FOLR1: variants seen among roughly 807,000 people sequenced by gnomAD.
The protein encoded by FOLR1 is KB cells FBP.
A neutral mutation model predicts 22.8 loss-of-function variants in FOLR1; 11 were observed. The observed-to-expected ratio is 0.48, with a 90% CI of 0.30 to 0.80. The LOEUF (loss-of-function observed/expected upper bound fraction) is 0.80. FOLR1 is among the 30% of genes least tolerant of loss of function. FOLR1 has a pLI of 0.06. For synonymous variants in FOLR1, 108 were observed against 116.5 expected (o/e 0.93, Z 0.47); for missense variants, 273 against 320.3 (o/e 0.85, Z 1.13).
At chr11:72,192,410 C>A in intron 1 of FOLR1, 69 bp downstream of exon 1, 1 of 1,556,414 alleles carries the variant, frequency 6.4e-7, no homozygotes, top group South Asian at 1.1e-5. Context: ...CATGGAAATG[C>A]CAAACCCCAT....
chr11:72,192,436 A>G (rs954249253), intron 1 of FOLR1, 95 bp downstream of exon 1: 4 of 1,361,820 alleles, frequency 2.9e-6, no homozygotes, highest in Non-Finnish European at 4.2e-6. Context: ...GGTGAACTGA[A>G]GTGGAGGAGC....
At chr11:72,195,787 T>G in intron 3 of FOLR1, 40 bp downstream of exon 3, 2 of 1,613,948 alleles carry the variant, frequency 1.2e-6, no homozygotes, top group South Asian at 2.2e-5. Context: ...GATTTGGAAG[T>G]GGAGGTGTGT....
In FOLR1 at chr11:72,192,165, G is replaced by A; in HGVS notation, c.-9G>A. The stretch of plus-strand genomic sequence containing the variant: ...GCCACTGACCACAGCTCTTTCTTCA[G>A]GGACAGACATGGCTCAGCGGATGAC... On this transcript the variant is annotated 5_prime_UTR_variant, in exon 1 of 4. Transcript: ENST00000393676. 6.2e-7 allele frequency: 1 copy of A among 1,614,100 alleles called. No individual in the cohort carries two copies. Among genetic ancestry groups the A allele is most frequent in the Non-Finnish European group, 8.5e-7 (1 of 1,179,976 alleles).
Position 72,196,252 on chromosome 11 carries a change from T to A in FOLR1, c.*75T>A. Reference sequence around the variant, plus strand: ...CAGCTCCCAACTATTTGGTTCCTGCTCCATGGTCGGGCCTCTGACAGCCAC... The same window carrying A: ...CAGCTCCCAACTATTTGGTTCCTGCACCATGGTCGGGCCTCTGACAGCCAC... On this transcript the variant is annotated 3_prime_UTR_variant, in exon 4 of 4. Transcript: ENST00000393676. The A allele has an allele frequency of 6.5e-7, 1 of 1,549,588 alleles. No individual in the cohort carries two copies.
chr11:72,192,013 C>T (rs2135385209), upstream of FOLR1: 1 of 745,916 alleles, frequency 1.3e-6, no homozygotes, highest in Non-Finnish European at 2.3e-6. Context: ...CTAATCCTAC[C>T]TTTCATTGGA....
upstream of FOLR1, chr11:72,190,516 G>C (rs1241005191): frequency 6.6e-6 from 1 of 152,192 alleles, no homozygotes; most frequent in Non-Finnish European, 1.5e-5. Flanking sequence ...GTGAGGGCTG[G>C]GGTCGGGACA....
intron 2 of FOLR1, 70 bp downstream of exon 2, chr11:72,195,529 G>T (rs1948217498): frequency 3.1e-6 from 5 of 1,612,838 alleles, no homozygotes; most frequent in Non-Finnish European, 1.7e-6. Context: ...TCTGCAGGCT[G>T]CAACCCCAGC....
Position 72,195,284 on chromosome 11 carries a change from G to A in FOLR1, c.182G>A (p.Arg61Lys). 1 of 1,614,128 alleles carries A rather than the reference G, an allele frequency of 6.2e-7. No homozygotes were observed. The highest frequency in any genetic ancestry group is 8.5e-7 in the Non-Finnish European group (1 of 1,180,024). Residue 61 changes from arginine (R) to lysine (K), a missense_variant, in exon 2 of 4, where the codon AGG (arginine) becomes AAG (lysine). By Grantham distance (26) the Arg-to-Lys change is conservative. Transcript: ENST00000393676. ...DKLHEQCRPW[R>K]KNACCSTNTS... Reference sequence around the variant, plus strand: ...TCCCCCATCCAGTGTCGACCCTGGAGGAAGAATGCCTGCTGTTCTACCAAC... The same window carrying A: ...TCCCCCATCCAGTGTCGACCCTGGAAGAAGAATGCCTGCTGTTCTACCAAC...
intron 1 of FOLR1, among the ~76,000 whole-genome samples, chr11:72,193,681 C>T (rs574295319): frequency 1.3e-5 from 2 of 151,940 alleles, no homozygotes; most frequent in South Asian, 4.1e-4. Flanking sequence ...AGGCTGGTCT[C>T]GAACTCCTCA....
At chr11:72,190,258 C>T (rs1026214172), upstream of FOLR1, 2 of 152,184 alleles carry the variant, frequency 1.3e-5, no homozygotes, top group South Asian at 2.1e-4. Flanking sequence ...GTGTGTTGGC[C>T]GCACCCATGA....
rs754414177 is a variant in FOLR1, at chr11:72,192,297, C to T, written c.124C>T (p.His42Tyr). 1 of 1,614,094 alleles carries T rather than the reference C, an allele frequency of 6.2e-7. No homozygotes were observed. The highest frequency in any genetic ancestry group is 2.2e-5 in the East Asian group (1 of 44,874). Reference protein sequence around the residue: ...ELLNVCMNAKHHKEKPGPEDK... With the variant: ...ELLNVCMNAKYHKEKPGPEDK... ...TCTCAATGTCTGCATGAACGCCAAG[C>T]ACCACAAGGAAAAGCCAGGCCCCGA... is the stretch of plus-strand genomic sequence containing the variant. Residue 42 changes from histidine to tyrosine, a missense_variant, in exon 1 of 4, where the codon CAC becomes TAC. Coordinates refer to ENST00000393676, the MANE Select transcript of FOLR1 (RefSeq NM_016729.3).
chr11:72,196,174 C>G lies in FOLR1; in HGVS notation c.771C>G (p.Ser257Arg), dbSNP rs1948233156. ...SLALMLLWLL[S>R] ...CCCTAATGCTGCTGTGGCTGCTCAG[C>G]TGACCTCCTTTTACCTTCTGATACC... Residue 257 changes from serine to arginine, a missense_variant, in exon 4 of 4, where the codon AGC (serine) becomes AGG (arginine). Coordinates refer to ENST00000393676, the MANE Select transcript of FOLR1 (RefSeq NM_016729.3). 6.2e-7 allele frequency: 1 copy of G among 1,614,052 alleles called. No individual in the cohort carries two copies. The highest frequency in any genetic ancestry group is 8.5e-7 in the Non-Finnish European group (1 of 1,180,034).
chr11:72,192,225 G>A lies in FOLR1; in HGVS notation c.52G>A (p.Val18Ile). ...GCTGCTCCTTCTAGTGTGGGTGGCTGTAGTAGGGGAGGCTCAGACAAGGAT... is the reference window on the plus strand; with the variant it reads ...GCTGCTCCTTCTAGTGTGGGTGGCTATAGTAGGGGAGGCTCAGACAAGGAT... ...QLLLLLVWVA[V>I]VGEAQTRIAW... is the part of the protein sequence containing the mutation. The change falls in exon 1 of 4, where the codon GTA (valine) becomes ATA (isoleucine). Residue 18 changes from valine to isoleucine, a missense_variant. Transcript: ENST00000393676. 6.2e-7 allele frequency: 1 copy of A among 1,614,220 alleles called. No homozygotes were observed. The highest frequency in any genetic ancestry group is 8.5e-7 in the Non-Finnish European group (1 of 1,180,044).
At chr11:72,189,920 G>A (rs2071010), upstream of FOLR1, among the ~76,000 whole-genome samples, 8,792 of 152,268 alleles carry the variant, frequency 0.058, 389 homozygotes, top group East Asian at 0.17. Context: ...CCTGCTCAAG[G>A]TTAAACGACA....
At chr11:72,195,206 T>A (rs1291437403) in intron 1 of FOLR1, 65 bp from the exon 2 acceptor site, 1 of 1,457,508 alleles carries the variant, frequency 6.9e-7, no homozygotes, top group East Asian at 2.3e-5. Context: ...ACACTGCATG[T>A]GGAATATTCT....
chr11:72,192,566 G>T (rs1039012629), intron 1 of FOLR1, among the ~76,000 whole-genome samples: 3 of 152,174 alleles, frequency 2.0e-5, no homozygotes, highest in Non-Finnish European at 4.4e-5. Context: ...AAGGAAGCAG[G>T]CCCAAAGGAG....
At position 72,196,006 on chromosome 11, in the gene FOLR1, CT is replaced by C; in HGVS notation, c.604del (p.Tyr202ThrfsTer32). ...IWTHSYKVSNYSRGSGRCIQM... is the reference protein window; with the variant it reads ...IWTHSYKVSNXSRGSGRCIQM... ...GGACTCACTCCTACAAGGTCAGCAACTACAGCCGAGGGAGTGGCCGCTGCAT... is the reference window on the plus strand; with the variant it reads ...GGACTCACTCCTACAAGGTCAGCAACACAGCCGAGGGAGTGGCCGCTGCAT... On this transcript the variant is annotated frameshift_variant, in exon 4 of 4. Transcript: ENST00000393676. LOFTEE classifies it low-confidence loss of function (END_TRUNC). 1 of 1,614,234 alleles carries C rather than the reference CT, an allele frequency of 6.2e-7. No individual in the cohort carries two copies. The highest frequency in any genetic ancestry group is 8.5e-7 in the Non-Finnish European group (1 of 1,180,036).
upstream of FOLR1, chr11:72,190,416 T>G (rs1948141263): frequency 6.6e-6 from 1 of 151,464 alleles, no homozygotes; most frequent in African/African-American, 2.4e-5. Flanking sequence ...ATTTGTTGAT[T>G]TCCCCCTTCT....
chr11:72,194,988 CCA>C (rs1262704911), intron 1 of FOLR1, among the ~76,000 whole-genome samples: 1 of 152,172 alleles, frequency 6.6e-6, no homozygotes, highest in Non-Finnish European at 1.5e-5. Flanking sequence ...TGTTGTAACC[CCA>C]GTTTCTACAA....
Sources: gnomAD v4.1 joint callset for allele counts (sites outside exome capture counted in the v4.1 genomes callset) on GRCh38, gnomAD v4.1.1 for gene constraint, MANE v1.5 for transcripts, NCBI Gene and HGNC (gene_info 2026-07-23, HGNC 2026-07-21) for gene names.